Variants in TTN observed in about 807,000 individuals in gnomAD.
TTN encodes the protein titin.
Under a neutral mutation model 3,223.0 loss-of-function variants are expected in TTN, and 1,525 were observed. The observed-to-expected ratio is 0.47, with a 90% CI of 0.45 to 0.49. The LOEUF is 0.49. Among genes scored for constraint, TTN ranks in the 20% least tolerant of loss-of-function variants. The probability of loss-of-function intolerance (pLI) is 0.00; values close to 1 mark genes in which losing one functional copy is unlikely to be tolerated. For synonymous variants in TTN, 14,094 were observed against 15,161.0 expected (o/e 0.93, Z 5.17); for missense variants, 40,786 against 43,424.0 (o/e 0.94, Z 5.40).
Position 178,749,684 on chromosome 2 carries a change from G to A in TTN, c.11311+3440C>T, listed in dbSNP as rs72647901. ...TGTTAGATCTGAAACACTTTCAACT[G>A]CCCCTGAATTGTTTTCAGCAACACA... On this transcript the variant is annotated intron_variant, in intron 47 of 362. Transcript: ENST00000589042. 9.1e-4 allele frequency: 1,469 copies of A among 1,612,842 alleles called. 1 individual carries two copies. Among genetic ancestry groups the A allele is most frequent in the South Asian group, 1.9e-3 (175 of 91,040 alleles).
At chr2:178,595,401 T>C in intron 295 of TTN, 106 bp downstream of exon 295, 3 of 1,097,802 alleles carry the variant, frequency 2.7e-6, no homozygotes, top group Non-Finnish European at 3.9e-6. Flanking sequence ...TAACTGCTTG[T>C]CAAGTGAATG....
At position 178,782,824 on chromosome 2, in the gene TTN, A is replaced by C; in HGVS notation, c.3082T>G (p.Cys1028Gly). The C allele has an allele frequency of 1.9e-6, 3 of 1,613,212 alleles. No individual in the cohort carries two copies. Among genetic ancestry groups the C allele is most frequent in the Admixed American group, 3.3e-5 (2 of 60,014 alleles). Residue 1028 changes from cysteine (C) to glycine (G), a missense_variant, in exon 18 of 363, where the codon TGC (cysteine) becomes GGC (glycine). By Grantham distance (159) the Cys-to-Gly change is radical. Coordinates refer to ENST00000589042, the MANE Select transcript of TTN (RefSeq NM_001267550.2). ...CACTAACCCTGCACAGCCAGATAGC[A>C]GGATGTGCTGACGGTTCCAGCCTCA... ...VNEAGTVSTS[C>G]YLAVQVSEEF... is the part of the protein sequence containing the mutation.
intron 81 of TTN, 63 bp downstream of exon 81, chr2:178,719,920 T>G: frequency 6.5e-7 from 1 of 1,542,690 alleles, no homozygotes; most frequent in South Asian, 1.3e-5. Flanking sequence ...AGAGGAATAT[T>G]TGAGGAAAAT....
chr2:178,593,269 C>T lies in TTN; in HGVS notation c.58939G>A (p.Gly19647Arg), dbSNP rs201430346. 69 of 1,613,246 alleles carry T rather than the reference C, an allele frequency of 4.3e-5. No individual in the cohort carries two copies. Among genetic ancestry groups the T allele is most frequent in the Non-Finnish European group, 5.8e-5 (68 of 1,179,568 alleles). Residue 19647 changes from glycine to arginine, a missense_variant, in exon 299 of 363, where the codon GGA becomes AGA. Gly to Arg is a moderately radical substitution (Grantham distance 125, BLOSUM62 -2). Coordinates refer to ENST00000589042, the MANE Select transcript of TTN (RefSeq NM_001267550.2). ...GAAACCCGGAATTCATACTGACATC[C>T]TTCTAGAAGATCAGGAACCCTAAAT... ...TKFRVPDLLE[G>R]CQYEFRVSAE...
Position 178,566,626 on chromosome 2 carries a change from A to G in TTN, c.79506T>C (p.Asn26502=). The G allele has an allele frequency of 6.2e-7, 1 of 1,612,610 alleles. No individual in the cohort carries two copies. Among genetic ancestry groups the G allele is most frequent in the Non-Finnish European group, 8.5e-7 (1 of 1,179,650 alleles). The change falls in exon 326 of 363, where the codon AAT becomes AAC. Residue 26502 remains asparagine, a synonymous_variant. Coordinates refer to ENST00000589042, the MANE Select transcript of TTN (RefSeq NM_001267550.2). ...GTTTACCCCAGGCAAGTGTGATTGAATTTTTAGTGGTGTCTACAATGTGTG... is the reference window on the plus strand; with the variant it reads ...GTTTACCCCAGGCAAGTGTGATTGAGTTTTTAGTGGTGTCTACAATGTGTG... The part of the protein sequence containing the change: ...TNAHIVDTTK[N]SITLAWGKPI...
rs551619691 is a variant in TTN at position 178,586,996 on chromosome 2, T to C, written c.64093+122A>G. On this transcript the variant is annotated intron_variant, in intron 307 of 362. Coordinates refer to ENST00000589042, the MANE Select transcript of TTN (RefSeq NM_001267550.2). Reference sequence around the variant, plus strand: ...TTTCATGAGTGAGATAGATATTTATTACACTATTTCGGTCTCTACAAATGA... The same window carrying C: ...TTTCATGAGTGAGATAGATATTTATCACACTATTTCGGTCTCTACAAATGA... 4 of 1,395,730 alleles carry C rather than the reference T, an allele frequency of 2.9e-6. No homozygotes were observed. In the East Asian group the frequency reaches 6.9e-5, roughly 24 times the overall value. 86.5% of individuals were successfully genotyped at this position (1,395,730 alleles called of 1,614,324 possible). A position where few individuals can be genotyped will look rare whatever the true frequency, so the allele number is the denominator to read the frequency against.
Position 178,571,116 on chromosome 2 carries a change from G to A in TTN, c.75016C>T (p.Pro25006Ser), listed in dbSNP as rs1264279589. The A allele has an allele frequency of 3.1e-6, 5 of 1,613,226 alleles. No individual in the cohort carries two copies. The highest frequency in any genetic ancestry group is 4.2e-6 in the Non-Finnish European group (5 of 1,179,592). ...TCTGGCCGTCCTGGTGGATCACATGGGTCACGAGCCACATAACATTCTGAT... is the reference window on the plus strand; with the variant it reads ...TCTGGCCGTCCTGGTGGATCACATGAGTCACGAGCCACATAACATTCTGAT... Reference protein sequence around the residue: ...KVSECYVARDPCDPPGRPEAI... With the variant: ...KVSECYVARDSCDPPGRPEAI... The change falls in exon 326 of 363, where the codon CCA becomes TCA. Residue 25006 changes from proline (P) to serine (S), a missense_variant. Coordinates refer to ENST00000589042, the MANE Select transcript of TTN (RefSeq NM_001267550.2).
intron 47 of TTN, chr2:178,747,307 A>G (rs1015561273): frequency 6.2e-7 from 1 of 1,613,280 alleles, no homozygotes; most frequent in Non-Finnish European, 8.5e-7. Flanking sequence ...CTTCCCCTAA[A>G]GGTGTGGAAT....
At chr2:178,625,560 T>C (rs1266334248) in intron 240 of TTN, among the ~76,000 whole-genome samples, 164 bp from the exon 241 acceptor site, 1 of 151,990 alleles carries the variant, frequency 6.6e-6, no homozygotes. Flanking sequence ...TAGTTTGGGA[T>C]CTTTTTTTTA....
rs757666132 is a variant in TTN at position 178,740,335 on chromosome 2, C to T, written c.12898G>A (p.Gly4300Arg). 6.2e-7 allele frequency: 1 copy of T among 1,613,754 alleles called. No individual in the cohort carries two copies. The highest frequency in any genetic ancestry group is 1.1e-5 in the South Asian group (1 of 91,080). ...LVPSEHSCTE[G>R]GKILIESANP... ...GCACTTTCTATCAAAATTTTACCTC[C>T]TTCTGTGCATGAGTGTTCTGAAGGG... The change falls in exon 48 of 363, where the codon GGA (glycine) becomes AGA (arginine). Residue 4300 changes from glycine (G) to arginine (R), a missense_variant. Gly to Arg is a moderately radical substitution (Grantham distance 125). Transcript: ENST00000589042.
At position 178,608,432 on chromosome 2, in the gene TTN, C is replaced by A; in HGVS notation, c.52451G>T (p.Ser17484Ile). 1 of 1,607,694 alleles carries A rather than the reference C, an allele frequency of 6.2e-7. No individual in the cohort carries two copies. Among genetic ancestry groups the A allele is most frequent in the Non-Finnish European group, 8.5e-7 (1 of 1,176,720 alleles). Residue 17484 changes from serine (S) to isoleucine (I), a missense_variant, in exon 275 of 363, where the codon AGC becomes ATC. Transcript: ENST00000589042. ...PDKPIVEDVTSNSMLVKWNEP... is the reference protein window; with the variant it reads ...PDKPIVEDVTINSMLVKWNEP... ...ATTCCATTTCACTAGCATACTGTTG[C>A]TGGTAACATCTTCCACAATGGGCTT...
chr2:178,801,085 A>G (rs1418615925), intron 3 of TTN, among the ~76,000 whole-genome samples: 1 of 152,200 alleles, frequency 6.6e-6, no homozygotes, highest in Non-Finnish European at 1.5e-5. Flanking sequence ...AATGAATTCC[A>G]GTGGTTGCTA....
chr2:178,799,873 A>G lies in TTN; in HGVS notation c.621T>C (p.Ile207=), dbSNP rs759546393. The G allele has an allele frequency of 1.2e-6, 2 of 1,614,122 alleles. No individual in the cohort carries two copies. Among genetic ancestry groups the G allele is most frequent in the Non-Finnish European group, 1.7e-6 (2 of 1,180,008 alleles). The change falls in exon 5 of 363, where the codon ATT becomes ATC. Residue 207 remains isoleucine, a synonymous_variant. Coordinates refer to ENST00000589042, the MANE Select transcript of TTN (RefSeq NM_001267550.2). ...EEVPAKKTKT[I]VSTAQISESR... is the part of the protein sequence containing the mutation. ...ATTCTGAGATCTGAGCAGTCGAAACAATTGTCTTTGTCTTTTTAGCAGGTA... is the reference window on the plus strand; with the variant it reads ...ATTCTGAGATCTGAGCAGTCGAAACGATTGTCTTTGTCTTTTTAGCAGGTA...
chr2:178,603,906 A>G lies in TTN; in HGVS notation c.54781T>C (p.Ser18261Pro). Residue 18261 changes from serine (S) to proline (P), a missense_variant, in exon 282 of 363, where the codon TCA (serine) becomes CCA (proline). Physicochemically the swap from Ser to Pro is moderately conservative, Grantham distance 74. Transcript: ENST00000589042. ...GGATCTCCTGCAACCTCTGGATCTG[A>G]TGGTTCACTGGGAGGACCAATTCCT... is the stretch of plus-strand genomic sequence containing the variant. ...AAGIGPPSEP[S>P]DPEVAGDPIF... is the part of the protein sequence containing the mutation. 1 of 1,610,116 alleles carries G rather than the reference A, an allele frequency of 6.2e-7. No homozygotes were observed.
intron 21 of TTN, 57 bp from the exon 22 acceptor site, chr2:178,780,262 C>T: frequency 1.4e-6 from 2 of 1,464,692 alleles, no homozygotes; most frequent in South Asian, 2.3e-5. Flanking sequence ...ACAGTCATAC[C>T]ACTATGCATT....
rs765570651 is a variant in TTN, at chr2:178,559,620, A to G, written c.86512T>C (p.Leu28838=). 8 of 1,613,714 alleles carry G rather than the reference A, an allele frequency of 5.0e-6. No homozygotes were observed. The highest frequency in any genetic ancestry group is 6.8e-6 in the Non-Finnish European group (8 of 1,179,804). Residue 28838 remains leucine (L), a synonymous_variant, in exon 326 of 363, where the codon TTA becomes CTA. Coordinates refer to ENST00000589042, the MANE Select transcript of TTN (RefSeq NM_001267550.2). The part of the protein sequence containing the change: ...QNVLSAASLT[L]VVKVLDTPGP... ...GGGGTATCTAAAACTTTGACAACTA[A>G]GGTCAGTGAAGCAGCACTCAAAACA... is the stretch of plus-strand genomic sequence containing the variant.
Position 178,735,208 on chromosome 2 carries a change from A to C in TTN, c.14936-220T>G, listed in dbSNP as rs4894035. On this transcript the variant is annotated intron_variant, in intron 50 of 362. Transcript: ENST00000589042. ...ACAACAATAAACAGACTACCTACAC[A>C]AAGAAGAATTTTATAAAAGAAGATA... is the stretch of plus-strand genomic sequence containing the variant. Among the ~76,000 whole-genome samples, 2,993 of 152,312 alleles carry C rather than the reference A, an allele frequency of 0.02. 166 individuals are homozygous for C. The highest frequency in any genetic ancestry group is 0.13 in the Admixed American group (1,940 of 15,282).
In TTN at chr2:178,769,931, T is replaced by C. The variant is rs1390184716; in HGVS notation, c.8650A>G (p.Ile2884Val). The change falls in exon 37 of 363, where the codon ATT (isoleucine) becomes GTT (valine). Residue 2884 changes from isoleucine (I) to valine (V), a missense_variant. Coordinates refer to ENST00000589042, the MANE Select transcript of TTN (RefSeq NM_001267550.2). ...KAKLFVETLH[I>V]TKTMKNIEVP... ...TCGATATTTTTCATGGTTTTTGTAA[T>C]ATGTAATGCTTGGTAAAATCAAAGA... 3 of 1,614,130 alleles carry C rather than the reference T, an allele frequency of 1.9e-6. No homozygotes were observed. The highest frequency in any genetic ancestry group is 1.7e-5 in the Admixed American group (1 of 60,010).
At chr2:178,669,136 A>G (rs1010294389) in intron 159 of TTN, among the ~76,000 whole-genome samples, 5 of 152,204 alleles carry the variant, frequency 3.3e-5, no homozygotes, top group East Asian at 1.9e-4. Flanking sequence ...TAACAAGACA[A>G]CTGACTTTTC....
Sources: allele counts gnomAD v4.1 joint callset (sites outside exome capture counted in the v4.1 genomes callset), GRCh38; gene constraint gnomAD v4.1.1; transcripts MANE v1.5; gene names NCBI Gene and HGNC (gene_info 2026-07-23, HGNC 2026-07-21).